The following ACRBP variants were observed in gnomAD, a reference collection of about 807,000 sequenced individuals.
ACRBP encodes acrosin binding protein.
A neutral mutation model predicts 69.0 loss-of-function variants in ACRBP; 52 were observed. That is an observed-to-expected ratio of 0.75 (90% CI 0.60 to 0.95). The LOEUF is 0.95. ACRBP is among the 40% of genes least tolerant of loss of function. The pLI is 0.00. For missense variants in ACRBP, 604 were observed against 673.0 expected, an observed-to-expected ratio of 0.90 and a Z score of 1.13; for synonymous variants, 267 against 258.9, an observed-to-expected ratio of 1.03 and a Z score of -0.30.
Position 6,643,515 on chromosome 12 carries a change from C to T in ACRBP, c.1077+24G>A, listed in dbSNP as rs202038844. The T allele has an allele frequency of 6.5e-4, 1,046 of 1,613,744 alleles. 2 individuals carry two copies. The highest frequency in any genetic ancestry group is 1.7e-3 in the South Asian group (155 of 91,034). ...AAGAGGATGCCCAGTGGCATGTATCCATTAGACAGTATGGCTGGCATACCG... is the reference window on the plus strand; with the variant it reads ...AAGAGGATGCCCAGTGGCATGTATCTATTAGACAGTATGGCTGGCATACCG... On this transcript the variant is annotated intron_variant, in intron 6 of 9. Coordinates refer to ENST00000229243, the MANE Select transcript of ACRBP (RefSeq NM_032489.3).
intron 4 of ACRBP, 65 bp from the exon 5 acceptor site, chr12:6,644,670 T>A: frequency 6.5e-7 from 1 of 1,533,794 alleles, no homozygotes; most frequent in Non-Finnish European, 8.7e-7. Flanking sequence ...GTGTCTTTGT[T>A]CACAGAGGGA....
At position 6,645,133 on chromosome 12, in the gene ACRBP, C is replaced by T. The variant is rs973472422; in HGVS notation, c.475+87G>A. The T allele has an allele frequency of 1.0e-5, 11 of 1,069,200 alleles. No individual in the cohort carries two copies. In the African/African-American group the frequency reaches 1.6e-4, roughly 16 times the overall value. The allele number at this position is 1,069,200 out of a possible 1,614,324, so 66.2% of individuals were successfully genotyped here. A position where few individuals can be genotyped will look rare whatever the true frequency, so the allele number is the denominator to read the frequency against. On this transcript the variant is annotated intron_variant, in intron 4 of 9. Coordinates refer to ENST00000229243, the MANE Select transcript of ACRBP (RefSeq NM_032489.3). Reference sequence around the variant, plus strand: ...CCCCCTTCCCGCCCAACATGCTTCCCATTTCCCTGCCATGGATGCCTTACG... The same window carrying T: ...CCCCCTTCCCGCCCAACATGCTTCCTATTTCCCTGCCATGGATGCCTTACG...
intron 4 of ACRBP, among the ~76,000 whole-genome samples, chr12:6,644,946 G>A (rs1949077488): frequency 6.6e-6 from 1 of 152,120 alleles, no homozygotes; most frequent in Non-Finnish European, 1.5e-5. Flanking sequence ...GCTTATAAAG[G>A]GCCTAGAGGT....
intron 6 of ACRBP, 137 bp downstream of exon 6, chr12:6,643,402 G>T (rs1949066728): frequency 8.2e-7 from 1 of 1,215,648 alleles, no homozygotes; most frequent in Non-Finnish European, 1.1e-6. Context: ...CCTAAGAAAA[G>T]AGTCCCACTT....
At chr12:6,639,930 C>G in intron 8 of ACRBP, 130 bp downstream of exon 8, 1 of 1,122,792 alleles carries the variant, frequency 8.9e-7, no homozygotes, top group South Asian at 1.6e-5. Flanking sequence ...GCAGGAGATT[C>G]AGTGAGGACG....
rs775984791 is a variant in ACRBP at position 6,644,289 on chromosome 12, G to A, written c.792C>T (p.Asn264=). 2 of 1,614,146 alleles carry A rather than the reference G, an allele frequency of 1.2e-6. No homozygotes were observed. Among genetic ancestry groups the A allele is most frequent in the East Asian group, 2.2e-5 (1 of 44,882 alleles). Residue 264 remains asparagine, a synonymous_variant, in exon 5 of 10, where the codon AAC becomes AAT. Transcript: ENST00000229243. The part of the protein sequence containing the change: ...PKFHSESLSS[N]PSSFAPRVRE... ...GTACCCGGGGAGCAAAAGAGGAAGG[G>A]TTAGAAGATAGAGATTCAGAGTGAA...
At chr12:6,643,142 C>A (rs942728610) in intron 6 of ACRBP, among the ~76,000 whole-genome samples, 5 of 152,074 alleles carry the variant, frequency 3.3e-5, no homozygotes, top group Non-Finnish European at 5.9e-5. Flanking sequence ...ATAGTCCCAG[C>A]TACTCGGGAG....
Position 6,640,649 on chromosome 12 carries a change from G to T in ACRBP, c.1078-127C>A. On this transcript the variant is annotated intron_variant, in intron 6 of 9. Transcript: ENST00000229243. The surrounding 1 kb of genome is among the most constrained non-coding windows in gnomAD (Gnocchi z 5.3). Reference sequence around the variant, plus strand: ...TAGCCTCTTCCAAAAGCTTCTCTGGGTTTTCTACTTGGCCTCCTCCCCAAG... The same window carrying T: ...TAGCCTCTTCCAAAAGCTTCTCTGGTTTTTCTACTTGGCCTCCTCCCCAAG... 2 of 1,087,832 alleles carry T rather than the reference G, an allele frequency of 1.8e-6. No individual in the cohort carries two copies. Among genetic ancestry groups the T allele is most frequent in the South Asian group, 3.3e-5 (2 of 61,482 alleles). The allele number at this position is 1,087,832 out of a possible 1,614,324, so 67.4% of individuals were successfully genotyped here.
At position 6,643,410 on chromosome 12, in the gene ACRBP, C is replaced by T. The variant is rs1457432089; in HGVS notation, c.1077+129G>A. 8 of 1,301,888 alleles carry T rather than the reference C, an allele frequency of 6.1e-6. No individual in the cohort carries two copies. In the Admixed American group the frequency reaches 6.8e-5, roughly 11 times the overall value. The allele number at this position is 1,301,888 out of a possible 1,614,324, so 80.6% of individuals were successfully genotyped here. ...TGCCCTTCCTAAGAAAAGAGTCCCA[C>T]TTGGAGAGAATCTCTCCAGCTATGT... On this transcript the variant is annotated intron_variant, in intron 6 of 9. Coordinates refer to ENST00000229243, the MANE Select transcript of ACRBP (RefSeq NM_032489.3).
chr12:6,638,617 C>T, intron 9 of ACRBP: 2 of 1,286,220 alleles, frequency 1.6e-6, no homozygotes, highest in South Asian at 1.6e-5. Flanking sequence ...GCGGCTGAGG[C>T]TCAGAGGGGG....
rs1555078501 is a variant in ACRBP, at chr12:6,646,597, G to A, written c.263-20C>T. 5.6e-6 allele frequency: 9 copies of A among 1,609,884 alleles called. No individual in the cohort carries two copies. The highest frequency in any genetic ancestry group is 3.3e-4 in the Middle Eastern group (2 of 6,056). On this transcript the variant is annotated intron_variant, in intron 2 of 9. Transcript: ENST00000229243. ...CAGCACCTGAGAAAGGGCAGGGGTG[G>A]AGAAGATGAACCCGTGGGGAGCTTG...
chr12:6,645,117 C>A, intron 4 of ACRBP, 103 bp downstream of exon 4: 1 of 923,724 alleles, frequency 1.1e-6, no homozygotes, highest in Admixed American at 2.4e-5. Context: ...GCCCCCTTCC[C>A]GCCCAACATG....
chr12:6,640,479 AG>A lies in ACRBP; in HGVS notation c.1120del (p.Leu374SerfsTer7). The A allele has an allele frequency of 6.2e-7, 1 of 1,614,146 alleles. No individual in the cohort carries two copies. Among genetic ancestry groups the A allele is most frequent in the East Asian group, 2.2e-5 (1 of 44,882 alleles). On this transcript the variant is annotated frameshift_variant, in exon 7 of 10. Transcript: ENST00000229243. LOFTEE classifies it high-confidence loss of function. This position sits in a 1 kb window ranked among gnomAD's most constrained non-coding sequence, Gnocchi z 5.3. ...CAGCTTCAAGGAGCAGAAGTCACAG[AG>A]GGCACAGGTAGACATGTGTCGCCGC... ...LGRRHMSTCA[L>X]CDFCSLKLEQ...
At chr12:6,638,494 G>C in intron 9 of ACRBP, 90 bp from the exon 10 acceptor site, 2 of 1,564,214 alleles carry the variant, frequency 1.3e-6, no homozygotes, top group Non-Finnish European at 1.7e-6. Context: ...CCAAAAGAAC[G>C]AGAGGTGGGC....
At chr12:6,645,968 GTTTTT>G (rs1393797428) in intron 3 of ACRBP, among the ~76,000 whole-genome samples, 2 of 142,624 alleles carry the variant, frequency 1.4e-5, no homozygotes, top group African/African-American at 5.1e-5. Flanking sequence ...CCCTGTTGTT[GTTTTT>G]TTTTGAGACA....
In ACRBP at chr12:6,638,124, C is replaced by G; in HGVS notation, c.*158G>C. 1.0e-6 allele frequency: 1 copy of G among 988,616 alleles called. No individual in the cohort carries two copies. The highest frequency in any genetic ancestry group is 1.5e-6 in the Non-Finnish European group (1 of 668,732). 61.2% of individuals were successfully genotyped at this position (988,616 alleles called of 1,614,324 possible). On this transcript the variant is annotated 3_prime_UTR_variant, in exon 10 of 10. Coordinates refer to ENST00000229243, the MANE Select transcript of ACRBP (RefSeq NM_032489.3). Reference sequence around the variant, plus strand: ...TCATCTTTTAAGGAGGGCGCAGCTCCCACCGTGGCCCTCTCTGGGACTGTT... The same window carrying G: ...TCATCTTTTAAGGAGGGCGCAGCTCGCACCGTGGCCCTCTCTGGGACTGTT...
In ACRBP at chr12:6,640,281, C is replaced by T; in HGVS notation, c.1258-54G>A. ...CGTGCCCCTCCCCACCTGCTGGCCA[C>T]CACCACCCCACCCCTGCCACCCAGT... On this transcript the variant is annotated intron_variant, in intron 7 of 9. Transcript: ENST00000229243. The surrounding 1 kb of genome is among the most constrained non-coding windows in gnomAD (Gnocchi z 5.3). 1.9e-6 allele frequency: 3 copies of T among 1,612,388 alleles called. No homozygotes were observed. The highest frequency in any genetic ancestry group is 2.5e-6 in the Non-Finnish European group (3 of 1,178,746).
intron 9 of ACRBP, 56 bp from the exon 10 acceptor site, chr12:6,638,460 GGGA>G: frequency 6.2e-7 from 1 of 1,609,238 alleles, no homozygotes; most frequent in Non-Finnish European, 8.5e-7. Flanking sequence ...GCCAGGAGTG[GGGA>G]GGAGGGGAGG....
intron 6 of ACRBP, among the ~76,000 whole-genome samples, chr12:6,641,108 G>T (rs1461556853): frequency 6.6e-6 from 1 of 152,192 alleles, no homozygotes; most frequent in Non-Finnish European, 1.5e-5. Flanking sequence ...TAACAGATGG[G>T]GAAGCTGGGA....
Sources: allele counts gnomAD v4.1 joint callset (sites outside exome capture counted in the v4.1 genomes callset), GRCh38; gene constraint gnomAD v4.1.1; non-coding constraint Gnocchi (gnomAD v3.1); transcripts MANE v1.5; gene names NCBI Gene and HGNC (gene_info 2026-07-23, HGNC 2026-07-21).